Variants in FAXC observed in about 807,000 individuals in gnomAD.
FAXC encodes failed axon connections homolog, metaxin like GST domain containing.
A neutral mutation model predicts 41.9 loss-of-function variants in FAXC; 10 were observed. The ratio of observed to expected loss-of-function variants is 0.24; its 90% CI spans 0.15 to 0.41. FAXC has a LOEUF of 0.41. Among genes scored for constraint, FAXC ranks in the 10% least tolerant of loss-of-function variants. The pLI is 1.00. For synonymous variants in FAXC, 183 were observed against 183.8 expected (o/e 1.00, Z 0.03); for missense variants, 399 against 510.9 (o/e 0.78, Z 2.11).
At chr6:99,284,591 GTGTGTGTGA>G (rs1244544460) in intron 5 of FAXC, among the ~76,000 whole-genome samples, 1 of 140,676 alleles carries the variant, frequency 7.1e-6, no homozygotes, top group East Asian at 2.0e-4. Flanking sequence ...GTGTGTGTGT[GTGTGTGTGA>G]TAAGCCTGTG....
In FAXC at chr6:99,302,568, A is replaced by G. The variant is rs181609726; in HGVS notation, c.824-10748T>C. 3.0e-3 allele frequency among the ~76,000 whole-genome samples: 464 copies of G among 152,306 alleles called. 2 individuals are homozygous for G. Among genetic ancestry groups the G allele is most frequent in the African/African-American group, 0.011 (450 of 41,556 alleles). On this transcript the variant is annotated intron_variant, in intron 4 of 5. Transcript: ENST00000389677. ...CTACTCAGGAGGCTGAGGCAGGAGAATCACTTGAACCCAGGAGGCAGAAGT... is the reference window on the plus strand; with the variant it reads ...CTACTCAGGAGGCTGAGGCAGGAGAGTCACTTGAACCCAGGAGGCAGAAGT...
At chr6:99,300,975 A>G (rs1771681094) in intron 4 of FAXC, among the ~76,000 whole-genome samples, 1 of 152,258 alleles carries the variant, frequency 6.6e-6, no homozygotes, top group Non-Finnish European at 1.5e-5. Flanking sequence ...CTCTGCAGGC[A>G]GACTCCACAT....
chr6:99,345,141 A>G (rs2128466011), intron 1 of FAXC, among the ~76,000 whole-genome samples: 1 of 152,260 alleles, frequency 6.6e-6, no homozygotes. Context: ...CCATGCTCTT[A>G]AGCACTTCAA....
chr6:99,277,666 A>T lies in FAXC; in HGVS notation c.*3498T>A, dbSNP rs1459889023. ...GATTCCAACCAGGGAATGGCTGGAG[A>T]TGTGCTGGTTGTCTGAACACAGGGT... On this transcript the variant is annotated 3_prime_UTR_variant, in exon 6 of 6. Coordinates refer to ENST00000389677, the MANE Select transcript of FAXC (RefSeq NM_032511.4). 6.6e-6 allele frequency: 1 copy of T among 152,186 alleles called. No individual in the cohort carries two copies. The highest frequency in any genetic ancestry group is 1.9e-4 in the East Asian group (1 of 5,188). 9.4% of individuals were successfully genotyped at this position (152,186 alleles called of 1,614,324 possible).
At chr6:99,291,223 C>A (rs1025690962) in intron 5 of FAXC, among the ~76,000 whole-genome samples, 3 of 152,110 alleles carry the variant, frequency 2.0e-5, no homozygotes, top group African/African-American at 7.2e-5. Context: ...TGTGCAACAT[C>A]GAAAAACAGT....
intron 5 of FAXC, among the ~76,000 whole-genome samples, chr6:99,284,952 C>T (rs1255548568): frequency 6.7e-6 from 1 of 149,074 alleles, no homozygotes; most frequent in Non-Finnish European, 1.5e-5. Context: ...CATAAGTTTG[C>T]AAAATAATAG....
Position 99,273,194 on chromosome 6 carries a change from G to A in FAXC, c.*7970C>T, listed in dbSNP as rs939625770. 3 of 152,118 alleles carry A rather than the reference G, an allele frequency of 2.0e-5. No individual in the cohort carries two copies. Among genetic ancestry groups the A allele is most frequent in the African/African-American group, 7.2e-5 (3 of 41,418 alleles). The allele number at this position is 152,118 out of a possible 1,614,324, so 9.4% of individuals were successfully genotyped here. A position where few individuals can be genotyped will look rare whatever the true frequency, so the allele number is the denominator to read the frequency against. ...TTGTGATTGCAAAACAGAGGGTGCA[G>A]GTAAGTGTTTCCAGGTGGTGTCCGC... On this transcript the variant is annotated 3_prime_UTR_variant, in exon 6 of 6. Transcript: ENST00000389677.
chr6:99,319,261 T>G (rs1366928390), intron 4 of FAXC, among the ~76,000 whole-genome samples: 1 of 152,064 alleles, frequency 6.6e-6, no homozygotes, highest in South Asian at 2.1e-4. Flanking sequence ...TAGCCAGACA[T>G]GGTGGCGGGC....
At chr6:99,315,228 A>T (rs1772297598) in intron 4 of FAXC, among the ~76,000 whole-genome samples, 2 of 96,092 alleles carry the variant, frequency 2.1e-5, no homozygotes, top group South Asian at 8.9e-4. Flanking sequence ...GCAACACTCC[A>T]TCTTAAAAAA....
At position 99,342,887 on chromosome 6, in the gene FAXC, C is replaced by T; in HGVS notation, c.402+11G>A. ...ATGTCATAAAAAGAAAACATATTTG[C>T]ACACAAGTACCTGATACGGTAAGTC... On this transcript the variant is annotated intron_variant, in intron 2 of 5. Coordinates refer to ENST00000389677, the MANE Select transcript of FAXC (RefSeq NM_032511.4). The T allele has an allele frequency of 6.3e-7, 1 of 1,583,668 alleles. No homozygotes were observed. Among genetic ancestry groups the T allele is most frequent in the Non-Finnish European group, 8.5e-7 (1 of 1,169,950 alleles).
chr6:99,292,947 C>T (rs112449527), intron 4 of FAXC, among the ~76,000 whole-genome samples: 1 of 152,056 alleles, frequency 6.6e-6, no homozygotes, highest in Non-Finnish European at 1.5e-5. Context: ...GCTGGGATCA[C>T]AGGCAGCCAC....
chr6:99,321,370 T>G (rs2128459397), intron 4 of FAXC, among the ~76,000 whole-genome samples: 1 of 152,366 alleles, frequency 6.6e-6, no homozygotes, highest in East Asian at 1.9e-4. Context: ...GCATCAAAAA[T>G]GAGCCACATC....
At position 99,281,303 on chromosome 6, in the gene FAXC, T is replaced by C; in HGVS notation, c.1091A>G (p.Tyr364Cys). 1 of 1,614,180 alleles carries C rather than the reference T, an allele frequency of 6.2e-7. No individual in the cohort carries two copies. The highest frequency in any genetic ancestry group is 1.1e-5 in the South Asian group (1 of 91,084). Residue 364 changes from tyrosine to cysteine, a missense_variant, in exon 6 of 6, where the codon TAC (tyrosine) becomes TGC (cysteine). Physicochemically the swap from Tyr to Cys is radical, Grantham distance 194. Around this residue, in one of 3 missense-constraint regions of FAXC, gnomAD observed 92 missense variants for 94.9 expected, o/e 0.97. Transcript: ENST00000389677. Reference sequence around the variant, plus strand: ...ATCTTCAAAGGTCTCTGTCCTTGAGTAAAAGCTAAAATCCAGCAGCGGGGT... The same window carrying C: ...ATCTTCAAAGGTCTCTGTCCTTGAGCAAAAGCTAAAATCCAGCAGCGGGGT... ...THTPLLDFSF[Y>C]SRTETFEDEG...
intron 5 of FAXC, 63 bp from the exon 6 acceptor site, chr6:99,281,516 T>C (rs1770836184): frequency 7.7e-7 from 1 of 1,301,028 alleles, no homozygotes. Context: ...ACTTCTATGG[T>C]CTGTGTTGCC....
chr6:99,333,588 T>C, intron 2 of FAXC, 41 bp from the exon 3 acceptor site: 2 of 1,482,114 alleles, frequency 1.3e-6, no homozygotes, highest in Non-Finnish European at 1.8e-6. Flanking sequence ...AGCAATATTG[T>C]ATTTAAATTC....
In FAXC at chr6:99,315,256, A is replaced by AAAAC. The variant is rs1562169297; in HGVS notation, c.823+8187_823+8188insGTTT. Among the ~76,000 whole-genome samples, 3 of 135,716 alleles carry AAAAC rather than the reference A, an allele frequency of 2.2e-5. 1 individual carries two copies. The East Asian group carries it at 6.1e-4, about 27-fold the overall frequency. The allele number at this position is 135,716 out of a possible 152,430, so 89.0% of individuals were successfully genotyped here. A position where few individuals can be genotyped will look rare whatever the true frequency, so the allele number is the denominator to read the frequency against. On this transcript the variant is annotated intron_variant, in intron 4 of 5. Transcript: ENST00000389677. Reference sequence around the variant, plus strand: ...TTAAAAAAAAAAAAAAAAAAAAAAAAAAAAAACCAGTAAATGTCACCTCCT... The same window carrying AAAAC: ...TTAAAAAAAAAAAAAAAAAAAAAAAAAAACAAAAAACCAGTAAATGTCACCTCCT...
At chr6:99,304,797 A>C (rs1428974085) in intron 4 of FAXC, among the ~76,000 whole-genome samples, 1 of 152,224 alleles carries the variant, frequency 6.6e-6, no homozygotes, top group East Asian at 1.9e-4. Flanking sequence ...AAAGTAGGGG[A>C]GGGGAGGAGG....
At chr6:99,319,125 C>T (rs567322656) in intron 4 of FAXC, among the ~76,000 whole-genome samples, 2 of 152,160 alleles carry the variant, frequency 1.3e-5, no homozygotes, top group Admixed American at 6.5e-5. Context: ...CGGCCGGGCG[C>T]GGTGGCTCAC....
intron 5 of FAXC, 131 bp from the exon 6 acceptor site, chr6:99,281,584 CT>C: frequency 1.3e-6 from 1 of 747,154 alleles, no homozygotes; most frequent in Non-Finnish European, 2.2e-6. Flanking sequence ...GAGGTGGGGC[CT>C]TTAAGAGGTG....
Sources: allele counts gnomAD v4.1 joint callset (sites outside exome capture counted in the v4.1 genomes callset), GRCh38; gene constraint gnomAD v4.1.1; regional missense constraint gnomAD v4.1.1; transcripts MANE v1.5; gene names NCBI Gene and HGNC (gene_info 2026-07-23, HGNC 2026-07-21).